Variants in NUP155 observed in about 807,000 individuals in gnomAD.
NUP155 encodes nuclear pore complex protein Nup155.
NUP155 carries 71 observed loss-of-function variants against 180.4 expected under a neutral mutation model. That is an observed-to-expected ratio of 0.39 (90% CI 0.33 to 0.48). The LOEUF (loss-of-function observed/expected upper bound fraction) is 0.48, where lower values mean the gene tolerates loss of function less well. NUP155 is among the 20% of genes least tolerant of loss of function. The probability of loss-of-function intolerance (pLI) is 0.91; values close to 1 mark genes in which losing one functional copy is unlikely to be tolerated. For missense variants in NUP155, 1,553 were observed against 1,648.9 expected (o/e 0.94, Z 1.01); for synonymous variants, 582 against 559.5 (o/e 1.04, Z -0.57).
At chr5:37,328,308 A>C (rs1328563465) in intron 17 of NUP155, 50 bp downstream of exon 17, 2 of 1,282,450 alleles carry the variant, frequency 1.6e-6, no homozygotes, top group African/African-American at 2.9e-5. Context: ...GTTAACTCAT[A>C]ATGTTAGCAC....
intron 20 of NUP155, 122 bp from the exon 21 acceptor site, chr5:37,318,207 C>A: frequency 1.4e-6 from 1 of 716,404 alleles, no homozygotes; most frequent in Admixed American, 2.0e-5. Flanking sequence ...GTTGGGCAAC[C>A]AACACCAGAA....
chr5:37,313,241 G>T (rs937815868), intron 22 of NUP155, among the ~76,000 whole-genome samples: 14 of 151,800 alleles, frequency 9.2e-5, no homozygotes, highest in African/African-American at 3.1e-4. Context: ...GATCACCCTG[G>T]GCAACACGGT....
rs571476683 is a variant in NUP155 at position 37,314,381 on chromosome 5, T to C, written c.2306-53A>G. ...TAAAATAACATAGGTTAAGTTGCTT[T>C]ATTTCAAATAAAAACTGTAGTTAAG... is the stretch of plus-strand genomic sequence containing the variant. On this transcript the variant is annotated intron_variant, in intron 21 of 34. Coordinates refer to ENST00000231498, the MANE Select transcript of NUP155 (RefSeq NM_153485.3). 1.7e-5 allele frequency: 23 copies of C among 1,367,586 alleles called. No individual in the cohort carries two copies. In the African/African-American group the frequency reaches 2.6e-4, roughly 16 times the overall value. 84.7% of individuals were successfully genotyped at this position (1,367,586 alleles called of 1,614,324 possible).
chr5:37,342,663 A>C lies in NUP155; in HGVS notation c.996-17T>G, dbSNP rs201661340. On this transcript the variant is annotated splice_polypyrimidine_tract_variant and intron_variant, in intron 9 of 34. Coordinates refer to ENST00000231498, the MANE Select transcript of NUP155 (RefSeq NM_153485.3). ...TCGATGGTCCTAAAAGAAAGGAGAA[A>C]ATAAAGTGTATTTTTAAAATGTGTC... is the stretch of plus-strand genomic sequence containing the variant. The C allele has an allele frequency of 6.9e-7, 1 of 1,458,332 alleles. No homozygotes were observed. Among genetic ancestry groups the C allele is most frequent in the Non-Finnish European group, 9.6e-7 (1 of 1,038,718 alleles). The allele number at this position is 1,458,332 out of a possible 1,614,324, so 90.3% of individuals were successfully genotyped here. A position where few individuals can be genotyped will look rare whatever the true frequency, so the allele number is the denominator to read the frequency against.
chr5:37,306,282 C>A (rs1743149965), intron 25 of NUP155, among the ~76,000 whole-genome samples: 1 of 151,864 alleles, frequency 6.6e-6, no homozygotes, highest in Non-Finnish European at 1.5e-5. Flanking sequence ...TGCCTGTAGT[C>A]CCAGCTACTC....
intron 12 of NUP155, among the ~76,000 whole-genome samples, chr5:37,334,277 A>C (rs1229498789): frequency 3.3e-5 from 5 of 151,572 alleles, no homozygotes; most frequent in East Asian, 1.9e-4. Flanking sequence ...TAATTTTTCT[A>C]TGTTTTGTAT....
chr5:37,294,762 G>GT (rs888509098), intron 32 of NUP155, among the ~76,000 whole-genome samples: 22 of 151,806 alleles, frequency 1.4e-4, no homozygotes, highest in African/African-American at 4.6e-4. Context: ...GAAAAAAAAA[G>GT]TTTTTTTTAA....
chr5:37,352,265 G>C (rs1438668766), intron 5 of NUP155, among the ~76,000 whole-genome samples: 1 of 152,176 alleles, frequency 6.6e-6, no homozygotes, highest in African/African-American at 2.4e-5. Context: ...GGCTGAGGCA[G>C]GAGAATCGCT....
Position 37,309,282 on chromosome 5 carries a change from A to G in NUP155, c.2629-15T>C. On this transcript the variant is annotated splice_polypyrimidine_tract_variant and intron_variant, in intron 23 of 34. Transcript: ENST00000231498. ...AGCTCATTTGCCTAGAAGAGGAGAT[A>G]ACAAGAACTTAAAAATATATAAAAT... 6.2e-7 allele frequency: 1 copy of G among 1,606,108 alleles called. No individual in the cohort carries two copies. Among genetic ancestry groups the G allele is most frequent in the Non-Finnish European group, 8.5e-7 (1 of 1,175,098 alleles).
chr5:37,333,921 C>A (rs916186768), intron 12 of NUP155, among the ~76,000 whole-genome samples: 4 of 151,742 alleles, frequency 2.6e-5, no homozygotes, highest in African/African-American at 9.7e-5. Flanking sequence ...CCTGCCTCAG[C>A]CTCCCTAGTA....
intron 5 of NUP155, among the ~76,000 whole-genome samples, chr5:37,352,079 C>T (rs931830623): frequency 8.6e-5 from 13 of 151,928 alleles, no homozygotes; most frequent in Admixed American, 2.0e-4. Context: ...AAAATTAGGC[C>T]GGGCACAGTG....
chr5:37,327,479 G>C, intron 18 of NUP155, 150 bp downstream of exon 18: 1 of 748,948 alleles, frequency 1.3e-6, no homozygotes. Flanking sequence ...AACAAAAACT[G>C]GAATAATAGA....
intron 4 of NUP155, among the ~76,000 whole-genome samples, chr5:37,355,526 T>C (rs967471347): frequency 6.7e-6 from 1 of 148,734 alleles, no homozygotes; most frequent in South Asian, 2.1e-4. Context: ...AAAAGTACGG[T>C]TAAAGAATGT....
chr5:37,339,458 T>C (rs939077076), intron 11 of NUP155, among the ~76,000 whole-genome samples: 2 of 152,014 alleles, frequency 1.3e-5, no homozygotes, highest in Admixed American at 1.3e-4. Flanking sequence ...TGAAACCCCG[T>C]CTCTACAAAA....
At chr5:37,365,610 A>G (rs1747508769) in intron 1 of NUP155, among the ~76,000 whole-genome samples, 1 of 147,970 alleles carries the variant, frequency 6.8e-6, no homozygotes, top group East Asian at 2.1e-4. Context: ...TGGGAGGCTG[A>G]GGCAGGAGAA....
In NUP155 at chr5:37,365,711, G is replaced by GGAAAAAAAA. The variant is rs1491216296; in HGVS notation, c.158-1328_158-1327insTTTTTTTTC. Among the ~76,000 whole-genome samples, 82 of 34,016 alleles carry GGAAAAAAAA rather than the reference G, an allele frequency of 2.4e-3. 34 individuals are homozygous for GGAAAAAAAA. The highest frequency in any genetic ancestry group is 3.4e-3 in the Admixed American group (7 of 2,078). The allele number at this position is 34,016 out of a possible 152,430, so 22.3% of individuals were successfully genotyped here. Reference sequence around the variant, plus strand: ...TGACAGAGCAAGACTCTGTCTCGGGGAGAAAAAAAAAAAAAAAAAAAAAAA... The same window carrying GGAAAAAAAA: ...TGACAGAGCAAGACTCTGTCTCGGGGGAAAAAAAAAGAAAAAAAAAAAAAAAAAAAAAAA... On this transcript the variant is annotated intron_variant, in intron 1 of 34. Coordinates refer to ENST00000231498, the MANE Select transcript of NUP155 (RefSeq NM_153485.3).
chr5:37,353,259 T>C (rs12522481), intron 4 of NUP155, among the ~76,000 whole-genome samples: 24,259 of 151,810 alleles, frequency 0.16, 1,987 homozygotes, highest in South Asian at 0.2. Flanking sequence ...GACATATATA[T>C]ATATACACAC....
intron 5 of NUP155, among the ~76,000 whole-genome samples, chr5:37,352,373 A>C (rs996837999): frequency 6.6e-6 from 1 of 151,270 alleles, no homozygotes; most frequent in African/African-American, 2.4e-5. Context: ...ACAAACAAAC[A>C]AACAAAAAAA....
At chr5:37,338,883 T>C (rs746117505) in intron 11 of NUP155, among the ~76,000 whole-genome samples, 1 of 152,062 alleles carries the variant, frequency 6.6e-6, no homozygotes, top group Non-Finnish European at 1.5e-5. Context: ...TTGCAGTCAA[T>C]GGGTTTATCA....
Sources: allele counts gnomAD v4.1 joint callset (sites outside exome capture counted in the v4.1 genomes callset), GRCh38; gene constraint gnomAD v4.1.1; transcripts MANE v1.5; gene names NCBI Gene and HGNC (gene_info 2026-07-23, HGNC 2026-07-21).